Variants in WDR49 observed in about 807,000 individuals in gnomAD.
WDR49 encodes cilia- and flagella-associated protein 337.
A neutral mutation model predicts 119.5 loss-of-function variants in WDR49; 107 were observed. The observed-to-expected ratio is 0.90, with a 90% confidence interval of 0.77 to 1.05. The LOEUF (loss-of-function observed/expected upper bound fraction) is 1.05, where lower values mean the gene tolerates loss of function less well. WDR49 is among the 50% of genes least tolerant of loss of function. WDR49 has a pLI of 0.00. For synonymous variants in WDR49, 425 were observed against 418.8 expected (o/e 1.01, Z -0.18); for missense variants, 1,240 against 1,220.5 (o/e 1.02, Z -0.24).
chr3:167,539,377 C>T (rs1711654870), intron 10 of WDR49, among the ~76,000 whole-genome samples: 2 of 151,980 alleles, frequency 1.3e-5, no homozygotes, highest in Admixed American at 1.3e-4. Flanking sequence ...TTTTTCATGC[C>T]TCTATGAATT....
chr3:167,499,556 A>C (rs1478780249), intron 18 of WDR49, among the ~76,000 whole-genome samples: 3 of 152,214 alleles, frequency 2.0e-5, no homozygotes, highest in Admixed American at 6.5e-5. Flanking sequence ...ATTTTTCTAC[A>C]GAATTATTCC....
intron 7 of WDR49, among the ~76,000 whole-genome samples, chr3:167,587,049 C>T (rs1714856481): frequency 6.6e-6 from 1 of 151,878 alleles, no homozygotes; most frequent in Admixed American, 6.6e-5. Flanking sequence ...AAGACATTGC[C>T]CCTAACCTTA....
At chr3:167,523,023 G>A (rs1269536726) in intron 15 of WDR49, among the ~76,000 whole-genome samples, 1 of 152,104 alleles carries the variant, frequency 6.6e-6, no homozygotes, top group Non-Finnish European at 1.5e-5. Context: ...TCTATTTTAT[G>A]TTTTAAATAC....
chr3:167,482,674 G>A (rs1577187451), intron 18 of WDR49, among the ~76,000 whole-genome samples: 1 of 139,350 alleles, frequency 7.2e-6, no homozygotes, highest in Non-Finnish European at 1.5e-5. Flanking sequence ...ACGAGACTCT[G>A]TCTCAAAAAA....
intron 5 of WDR49, among the ~76,000 whole-genome samples, chr3:167,616,139 T>C (rs1417436992): frequency 2.6e-5 from 4 of 152,214 alleles, no homozygotes; most frequent in African/African-American, 9.6e-5. Flanking sequence ...GCAAATGTTT[T>C]TTGGGTGAAT....
chr3:167,481,801 C>A (rs1262793216), intron 18 of WDR49, among the ~76,000 whole-genome samples: 1 of 142,728 alleles, frequency 7.0e-6, no homozygotes, highest in East Asian at 1.9e-4. Context: ...TATTCACTAT[C>A]ACGAGAATAG....
At chr3:167,536,686 C>CACAT (rs1753041271) in intron 11 of WDR49, among the ~76,000 whole-genome samples, 184 bp downstream of exon 11, 3 of 132,588 alleles carry the variant, frequency 2.3e-5, no homozygotes, top group African/African-American at 8.7e-5. Context: ...TCTCAAAATA[C>CACAT]ATATATATAT....
At chr3:167,488,561 A>G (rs1278686569) in intron 18 of WDR49, among the ~76,000 whole-genome samples, 1 of 152,136 alleles carries the variant, frequency 6.6e-6, no homozygotes, top group Non-Finnish European at 1.5e-5. Flanking sequence ...ATAAATACAA[A>G]GCTTATCTTA....
intron 7 of WDR49, among the ~76,000 whole-genome samples, chr3:167,600,776 A>G (rs1162687221): frequency 2.0e-5 from 3 of 152,246 alleles, no homozygotes; most frequent in Non-Finnish European, 2.9e-5. Context: ...GCCAATTAAT[A>G]GAAGACAGGG....
intron 8 of WDR49, among the ~76,000 whole-genome samples, chr3:167,571,481 T>G (rs1713936857): frequency 6.6e-6 from 1 of 152,190 alleles, no homozygotes; most frequent in Non-Finnish European, 1.5e-5. Flanking sequence ...GATATAGTCA[T>G]AAATATAAAT....
chr3:167,552,676 C>T (rs1577235205), intron 10 of WDR49, among the ~76,000 whole-genome samples: 1 of 151,588 alleles, frequency 6.6e-6, no homozygotes, highest in East Asian at 1.9e-4. Flanking sequence ...GAGATAAGAC[C>T]TGAAGACAGA....
rs138967217 is a variant in WDR49 at position 167,557,382 on chromosome 3, T to C, written c.1675-2584A>G. On this transcript the variant is annotated intron_variant, in intron 9 of 18. Coordinates refer to ENST00000682715, the MANE Select transcript of WDR49 (RefSeq NM_001366157.1). ...TTCAAGCATATTCTTGCAGCATTGT[T>C]AAAAAGCAAAAGATTTGAATCAATG... 1.3e-3 allele frequency among the ~76,000 whole-genome samples: 203 copies of C among 152,228 alleles called. 4 individuals are homozygous for C. The East Asian group carries it at 0.031, about 23-fold the overall frequency.
intron 2 of WDR49, among the ~76,000 whole-genome samples, chr3:167,640,861 C>T (rs1469156025): frequency 6.6e-6 from 1 of 151,626 alleles, no homozygotes; most frequent in African/African-American, 2.4e-5. Flanking sequence ...AATAAAGTGC[C>T]ATCGAGAAAA....
chr3:167,500,876 A>G (rs1439994449), intron 17 of WDR49, among the ~76,000 whole-genome samples: 1 of 152,210 alleles, frequency 6.6e-6, no homozygotes, highest in Admixed American at 6.5e-5. Flanking sequence ...ATGGAAATCT[A>G]TTTGGGATAA....
chr3:167,492,752 T>C (rs559652075), intron 18 of WDR49, among the ~76,000 whole-genome samples: 9 of 152,272 alleles, frequency 5.9e-5, no homozygotes, highest in African/African-American at 2.2e-4. Context: ...ACCAGTCTTA[T>C]GCTTAAAATT....
At chr3:167,552,149 G>T (rs1045850530) in intron 10 of WDR49, among the ~76,000 whole-genome samples, 3 of 151,974 alleles carry the variant, frequency 2.0e-5, no homozygotes, top group Admixed American at 2.0e-4. Flanking sequence ...GGGAGAAAAT[G>T]AAACTAGAAA....
At chr3:167,623,262 C>T (rs111956152) in intron 3 of WDR49, among the ~76,000 whole-genome samples, 2,309 of 152,006 alleles carry the variant, frequency 0.015, 17 homozygotes, top group Non-Finnish European at 0.022. Flanking sequence ...ATACATCTTA[C>T]GAATACAAAT....
At chr3:167,494,161 C>T (rs1455258071) in intron 18 of WDR49, among the ~76,000 whole-genome samples, 1 of 152,082 alleles carries the variant, frequency 6.6e-6, no homozygotes, top group Non-Finnish European at 1.5e-5. Context: ...ATCATTATCC[C>T]AATTTTACAG....
At chr3:167,484,990 A>C (rs1239425209) in intron 18 of WDR49, among the ~76,000 whole-genome samples, 1 of 152,218 alleles carries the variant, frequency 6.6e-6, no homozygotes, top group Non-Finnish European at 1.5e-5. Context: ...TGGCACATTT[A>C]CACCATGGAA....
Sources: allele counts gnomAD v4.1 joint callset (sites outside exome capture counted in the v4.1 genomes callset), GRCh38; gene constraint gnomAD v4.1.1; transcripts MANE v1.5; gene names NCBI Gene and HGNC (gene_info 2026-07-23, HGNC 2026-07-21).